The following DCC variants were observed in gnomAD, a reference collection of about 807,000 sequenced individuals.
DCC encodes the protein netrin receptor DCC.
DCC carries 58 observed loss-of-function variants against 172.5 expected under a neutral mutation model. The observed-to-expected ratio is 0.34, with a 90% CI of 0.27 to 0.42. The LOEUF (loss-of-function observed/expected upper bound fraction) is 0.42. Ranked by LOEUF, DCC falls within the 10% of genes least tolerant of loss-of-function variation. The probability of loss-of-function intolerance (pLI) is 1.00; values close to 1 mark genes in which losing one functional copy is unlikely to be tolerated. For missense variants in DCC, 1,740 were observed against 1,791.0 expected (o/e 0.97, Z 0.51); for synonymous variants, 709 against 644.5 (o/e 1.10, Z -1.52).
In DCC at chr18:53,205,270, C is replaced by T. The variant is rs757626375; in HGVS notation, c.1628C>T (p.Ser543Leu). The change falls in exon 10 of 29, where the codon TCA becomes TTA. Residue 543 changes from serine to leucine, a missense_variant. This residue lies in a region of DCC where 1,732 missense variants were observed against 1,767.4 expected (regional missense o/e 0.98). Transcript: ENST00000442544. ...CAAGCTGTATCTACCTCACCTACCT[C>T]AATTCTTATTACCTGGGAACCCCCT... ...NLQAVSTSPTSILITWEPPAY... is the reference protein window; with the variant it reads ...NLQAVSTSPTLILITWEPPAY... 7 of 1,613,490 alleles carry T rather than the reference C, an allele frequency of 4.3e-6. No individual in the cohort carries two copies. The highest frequency in any genetic ancestry group is 5.9e-6 in the Non-Finnish European group (7 of 1,179,568).
At chr18:52,857,813 G>T (rs1349479544) in intron 2 of DCC, among the ~76,000 whole-genome samples, 1 of 152,184 alleles carries the variant, frequency 6.6e-6, no homozygotes, top group Non-Finnish European at 1.5e-5. Flanking sequence ...TCTGTGGGCT[G>T]AGGAAAAAGG....
chr18:53,063,535 G>GA (rs57166441), intron 6 of DCC, 76 bp downstream of exon 6: 367,913 of 946,204 alleles, frequency 0.39, 30,755 homozygotes, highest in Admixed American at 0.45. Flanking sequence ...TTTATTTCTT[G>GA]AAAAAAAAAA....
At chr18:53,293,350 C>A (rs1406775735) in intron 12 of DCC, among the ~76,000 whole-genome samples, 1 of 152,200 alleles carries the variant, frequency 6.6e-6, no homozygotes, top group Non-Finnish European at 1.5e-5. Context: ...ATAAGATTTT[C>A]TAAGCACCAC....
chr18:53,239,720 G>C (rs1030790455), intron 12 of DCC, among the ~76,000 whole-genome samples: 3 of 152,150 alleles, frequency 2.0e-5, no homozygotes, highest in Admixed American at 6.6e-5. Flanking sequence ...CCAGGAATCA[G>C]AGAATTGTGG....
At chr18:53,137,982 A>G (rs2043770978) in intron 7 of DCC, among the ~76,000 whole-genome samples, 1 of 145,534 alleles carries the variant, frequency 6.9e-6, no homozygotes, top group Non-Finnish European at 1.5e-5. Context: ...TGCCCTGCTA[A>G]CTGTTTTTTT....
chr18:52,503,706 C>T (rs1293397454), intron 1 of DCC, among the ~76,000 whole-genome samples: 1 of 152,096 alleles, frequency 6.6e-6, no homozygotes, highest in Non-Finnish European at 1.5e-5. Flanking sequence ...ACTAGCCAGT[C>T]CATTCCTCTT....
At chr18:52,872,475 T>G (rs1451282477) in intron 2 of DCC, among the ~76,000 whole-genome samples, 1 of 152,206 alleles carries the variant, frequency 6.6e-6, no homozygotes, top group Non-Finnish European at 1.5e-5. Flanking sequence ...AGAGACAGTT[T>G]TCAGGGCTAC....
chr18:53,373,901 A>C (rs985092612), intron 15 of DCC, among the ~76,000 whole-genome samples: 1 of 152,198 alleles, frequency 6.6e-6, no homozygotes, highest in Admixed American at 6.5e-5. Flanking sequence ...TATGTATGCA[A>C]ACTATTAAAC....
intron 20 of DCC, among the ~76,000 whole-genome samples, chr18:53,415,088 A>G (rs561760666): frequency 3.2e-4 from 49 of 152,278 alleles, no homozygotes; most frequent in African/African-American, 9.6e-4. Context: ...TTAGGCAATG[A>G]TTTGTGCTGC....
At chr18:52,554,785 T>A (rs1311640380) in intron 1 of DCC, among the ~76,000 whole-genome samples, 1 of 152,104 alleles carries the variant, frequency 6.6e-6, no homozygotes, top group Non-Finnish European at 1.5e-5. Context: ...ATCAGGATGG[T>A]GAAGTAACTT....
At chr18:53,028,080 G>T (rs2041980660) in intron 5 of DCC, among the ~76,000 whole-genome samples, 1 of 152,098 alleles carries the variant, frequency 6.6e-6, no homozygotes, top group African/African-American at 2.4e-5. Context: ...TTAAAGCCCA[G>T]GTAGCCAGTC....
At chr18:53,108,740 G>A (rs1207864372) in intron 7 of DCC, among the ~76,000 whole-genome samples, 15 of 151,562 alleles carry the variant, frequency 9.9e-5, no homozygotes, top group South Asian at 4.2e-4. Flanking sequence ...TGGGAGAGTC[G>A]TCCATGTTGC....
chr18:53,214,955 T>C (rs563662201), intron 11 of DCC, among the ~76,000 whole-genome samples: 3 of 152,272 alleles, frequency 2.0e-5, no homozygotes, highest in Non-Finnish European at 4.4e-5. Flanking sequence ...AAGAAAAATA[T>C]ACTGCTGCTT....
At chr18:53,379,997 A>C (rs1907593083) in intron 15 of DCC, among the ~76,000 whole-genome samples, 1 of 152,196 alleles carries the variant, frequency 6.6e-6, no homozygotes, top group Non-Finnish European at 1.5e-5. Flanking sequence ...GCAACTGATA[A>C]ATTTTTAAGC....
At chr18:52,952,540 A>G (rs1487119798) in intron 5 of DCC, among the ~76,000 whole-genome samples, 2 of 152,174 alleles carry the variant, frequency 1.3e-5, no homozygotes, top group African/African-American at 4.8e-5. Context: ...GGCCATACCA[A>G]TTTAAGTTAC....
At chr18:53,111,366 TTG>T (rs1488709631) in intron 7 of DCC, among the ~76,000 whole-genome samples, 9 of 149,600 alleles carry the variant, frequency 6.0e-5, no homozygotes. Flanking sequence ...AACCTGCACA[TTG>T]TGCACATGTA....
At chr18:52,388,539 A>T in intron 1 of DCC, among the ~76,000 whole-genome samples, 1 of 149,870 alleles carries the variant, frequency 6.7e-6, no homozygotes. Context: ...TCTATACTGT[A>T]TTTTGCATGG....
At chr18:53,199,047 A>C (rs1446112982) in intron 9 of DCC, among the ~76,000 whole-genome samples, 2 of 151,592 alleles carry the variant, frequency 1.3e-5, no homozygotes, top group South Asian at 2.1e-4. Context: ...TTTCACATCT[A>C]ATTCCCATTG....
chr18:52,699,688 G>A (rs2036075028), intron 1 of DCC, among the ~76,000 whole-genome samples: 1 of 152,120 alleles, frequency 6.6e-6, no homozygotes, highest in Non-Finnish European at 1.5e-5. Flanking sequence ...TGAGGTTTAA[G>A]GCAGCAGAAA....
Sources: allele counts gnomAD v4.1 joint callset (sites outside exome capture counted in the v4.1 genomes callset), GRCh38; gene constraint gnomAD v4.1.1; regional missense constraint gnomAD v4.1.1; transcripts MANE v1.5; gene names NCBI Gene and HGNC (gene_info 2026-07-23, HGNC 2026-07-21).